Variants in FAM13A observed in about 807,000 individuals in gnomAD.
FAM13A encodes family with sequence similarity 13 member A, also known as protein FAM13A.
FAM13A carries 76 observed loss-of-function variants against 129.6 expected under a neutral mutation model. The observed-to-expected ratio is 0.59, with a 90% confidence interval of 0.49 to 0.71. FAM13A has a LOEUF of 0.71. Among genes scored for constraint, FAM13A ranks in the 30% least tolerant of loss-of-function variants. FAM13A has a pLI of 0.00. For synonymous variants in FAM13A, 443 were observed against 449.9 expected (o/e 0.98, Z 0.20); for missense variants, 1,108 against 1,249.3 (o/e 0.89, Z 1.70).
At chr4:88,820,930 T>C (rs1731761904) in intron 7 of FAM13A, among the ~76,000 whole-genome samples, 1 of 152,200 alleles carries the variant, frequency 6.6e-6, no homozygotes, top group East Asian at 1.9e-4. Flanking sequence ...AATTTCAATG[T>C]AGTTTCTATC....
chr4:88,971,741 G>A (rs1259386603), intron 4 of FAM13A, among the ~76,000 whole-genome samples: 1 of 152,090 alleles, frequency 6.6e-6, no homozygotes, highest in Non-Finnish European at 1.5e-5. Context: ...AGCAATCCTG[G>A]CCTCAAGCAA....
At chr4:88,992,443 G>C (rs748012282) in intron 3 of FAM13A, among the ~76,000 whole-genome samples, 1 of 151,916 alleles carries the variant, frequency 6.6e-6, no homozygotes, top group Non-Finnish European at 1.5e-5. Context: ...GCTAATTTTT[G>C]TATTTTTAGT....
At position 88,727,631 on chromosome 4, in the gene FAM13A, G is replaced by A. The variant is rs993905400; in HGVS notation, c.*902C>T. 1.3e-5 allele frequency: 2 copies of A among 152,314 alleles called. No individual in the cohort carries two copies. Among genetic ancestry groups the A allele is most frequent in the African/African-American group, 4.8e-5 (2 of 41,410 alleles). The allele number at this position is 152,314 out of a possible 1,614,324, so 9.4% of individuals were successfully genotyped here. A position where few individuals can be genotyped will look rare whatever the true frequency, so the allele number is the denominator to read the frequency against. On this transcript the variant is annotated 3_prime_UTR_variant, in exon 24 of 24. Coordinates refer to ENST00000264344, the MANE Select transcript of FAM13A (RefSeq NM_014883.4). Reference sequence around the variant, plus strand: ...ATCCTCTGTATGCAGGCTGACTTAAGCCCCTTTATGTTTGGCTAGTGCCAC... The same window carrying A: ...ATCCTCTGTATGCAGGCTGACTTAAACCCCTTTATGTTTGGCTAGTGCCAC...
chr4:88,758,771 T>C lies in FAM13A; in HGVS notation c.1709A>G (p.Asp570Gly), dbSNP rs942277994. The C allele has an allele frequency of 3.7e-6, 6 of 1,613,272 alleles. No homozygotes were observed. The highest frequency in any genetic ancestry group is 5.1e-6 in the Non-Finnish European group (6 of 1,179,666). Residue 570 changes from aspartate to glycine, a missense_variant, in exon 14 of 24, where the codon GAT becomes GGT. By Grantham distance (94) the Asp-to-Gly change is moderately conservative (BLOSUM62 -1). Around this residue, in one of 3 missense-constraint regions of FAM13A, gnomAD observed 529 missense variants for 621.2 expected, o/e 0.85. Coordinates refer to ENST00000264344, the MANE Select transcript of FAM13A (RefSeq NM_014883.4). ...AACCCTACCTTCCCAGTTCTTTTCA[T>C]CACACAATGCAGTCAGGTCCGACTG... ...VPQSDLTALC[D>G]EKNWEEPIPA...
At chr4:88,965,357 C>T (rs1012479958) in intron 4 of FAM13A, among the ~76,000 whole-genome samples, 1 of 152,186 alleles carries the variant, frequency 6.6e-6, no homozygotes, top group African/African-American at 2.4e-5. Context: ...AAGAACACAG[C>T]AGACTTCTCT....
chr4:88,751,392 G>T (rs1742586653), intron 14 of FAM13A, among the ~76,000 whole-genome samples: 1 of 152,158 alleles, frequency 6.6e-6, no homozygotes, highest in Non-Finnish European at 1.5e-5. Context: ...ATGTATTTAG[G>T]AGTTTATAAC....
intron 8 of FAM13A, among the ~76,000 whole-genome samples, chr4:88,802,906 G>A (rs1727788201): frequency 6.6e-6 from 1 of 152,150 alleles, no homozygotes; most frequent in Non-Finnish European, 1.5e-5. Context: ...TTTGAGACTG[G>A]AGGCCTGCTC....
chr4:88,932,291 C>A (rs1753148145), intron 5 of FAM13A, among the ~76,000 whole-genome samples: 1 of 152,128 alleles, frequency 6.6e-6, no homozygotes. Context: ...CATCTGTAAA[C>A]CAGTATTAAG....
intron 1 of FAM13A, among the ~76,000 whole-genome samples, chr4:89,054,666 T>C (rs1772003221): frequency 6.6e-6 from 1 of 152,180 alleles, no homozygotes; most frequent in Non-Finnish European, 1.5e-5. Context: ...TCTTAAGATC[T>C]ACTTCCTGAG....
Position 88,902,943 on chromosome 4 carries a change from T to C in FAM13A, c.843+3436A>G, listed in dbSNP as rs373742441. ...TACAAAAGAAATGTGCAAAAAATCA[T>C]AGCATTCCTATTCACCAACAACAGA... On this transcript the variant is annotated intron_variant, in intron 6 of 23. Transcript: ENST00000264344. Among the ~76,000 whole-genome samples the C allele has an allele frequency of 1.9e-4, 29 of 152,118 alleles. No individual in the cohort carries two copies. The East Asian group carries it at 3.1e-3, about 16-fold the overall frequency.
intron 5 of FAM13A, among the ~76,000 whole-genome samples, chr4:88,914,421 C>T (rs1749746533): frequency 6.6e-6 from 1 of 152,160 alleles, no homozygotes; most frequent in Admixed American, 6.5e-5. Flanking sequence ...AGCATTTCCC[C>T]TCTCCTCGTT....
At chr4:88,851,228 T>G in intron 6 of FAM13A, 45 bp from the exon 7 acceptor site, 1 of 1,465,560 alleles carries the variant, frequency 6.8e-7, no homozygotes, top group Non-Finnish European at 9.1e-7. Flanking sequence ...TAGATAAATG[T>G]TAAAGTCTTT....
chr4:88,777,771 T>C (rs1388464103), intron 11 of FAM13A, among the ~76,000 whole-genome samples: 1 of 152,214 alleles, frequency 6.6e-6, no homozygotes, highest in East Asian at 1.9e-4. Context: ...GTTACTCTCC[T>C]ACCATCTTCT....
At chr4:88,734,111 G>A (rs1738463076) in intron 21 of FAM13A, among the ~76,000 whole-genome samples, 1 of 152,110 alleles carries the variant, frequency 6.6e-6, no homozygotes, top group African/African-American at 2.4e-5. Context: ...TAAGCAATTG[G>A]GAAAAATCAG....
At chr4:88,791,677 C>T (rs930404071) in intron 8 of FAM13A, among the ~76,000 whole-genome samples, 2 of 152,016 alleles carry the variant, frequency 1.3e-5, no homozygotes, top group African/African-American at 4.8e-5. Flanking sequence ...TTGTTAAGGA[C>T]CAATATTGAT....
chr4:88,735,417 T>C (rs1417632049), intron 21 of FAM13A, among the ~76,000 whole-genome samples: 1 of 152,234 alleles, frequency 6.6e-6, no homozygotes, highest in Non-Finnish European at 1.5e-5. Flanking sequence ...TGCTGTAAAC[T>C]TTTTAAGCTT....
At chr4:88,963,484 G>A (rs1394392565) in intron 4 of FAM13A, among the ~76,000 whole-genome samples, 1 of 152,046 alleles carries the variant, frequency 6.6e-6, no homozygotes, top group Non-Finnish European at 1.5e-5. Context: ...TTTTATTAGA[G>A]ACGGGGTTTC....
intron 3 of FAM13A, among the ~76,000 whole-genome samples, chr4:89,014,793 T>C (rs1579776498): frequency 6.6e-6 from 1 of 152,146 alleles, no homozygotes; most frequent in Admixed American, 6.6e-5. Flanking sequence ...GACCCTGCGA[T>C]GACTGCGTTA....
intron 11 of FAM13A, among the ~76,000 whole-genome samples, chr4:88,777,376 G>A (rs946097460): frequency 2.0e-5 from 3 of 152,102 alleles, no homozygotes; most frequent in South Asian, 2.1e-4. Context: ...AAACAGAAGC[G>A]GGTTATTTCA....
Sources: gnomAD v4.1 joint callset for allele counts (sites outside exome capture counted in the v4.1 genomes callset) on GRCh38, gnomAD v4.1.1 for gene constraint, gnomAD v4.1.1 regional missense constraint, MANE v1.5 for transcripts, NCBI Gene and HGNC (gene_info 2026-07-23, HGNC 2026-07-21) for gene names.